Variants in EYS observed in about 807,000 individuals in gnomAD.
EYS encodes protein eyes shut homolog.
Under a neutral mutation model 282.1 loss-of-function variants are expected in EYS, and 250 were observed. That is an observed-to-expected ratio of 0.89 (90% CI 0.80 to 0.98). The LOEUF (loss-of-function observed/expected upper bound fraction) is 0.98. Among genes scored for constraint, EYS ranks in the 50% least tolerant of loss-of-function variants. EYS has a pLI of 0.00. For missense variants in EYS, 4,016 were observed against 3,709.0 expected (o/e 1.08, Z -2.15); for synonymous variants, 1,355 against 1,282.9 (o/e 1.06, Z -1.20).
chr6:65,115,966 AATCTATCT>A (rs3036006), intron 12 of EYS, among the ~76,000 whole-genome samples: 1,640 of 144,948 alleles, frequency 0.011, 21 homozygotes, highest in African/African-American at 0.024. Flanking sequence ...CTGTCTATCT[AATCTATCT>A]ATCTATCTAT....
chr6:64,525,841 A>G (rs1309750211), intron 26 of EYS, among the ~76,000 whole-genome samples: 1 of 151,832 alleles, frequency 6.6e-6, no homozygotes. Context: ...TGCAACTACC[A>G]TATGATCCAG....
At chr6:65,347,537 A>C (rs1205095210) in intron 9 of EYS, among the ~76,000 whole-genome samples, 1 of 146,002 alleles carries the variant, frequency 6.8e-6, no homozygotes, top group African/African-American at 2.5e-5. Flanking sequence ...TTTTAGTATT[A>C]ACTATAAACA....
chr6:63,967,722 G>A (rs549755147), intron 35 of EYS, among the ~76,000 whole-genome samples: 2 of 152,128 alleles, frequency 1.3e-5, no homozygotes, highest in Admixed American at 6.5e-5. Context: ...GCAAAACAGA[G>A]GCTGCTTGTT....
chr6:64,955,087 G>A (rs559224045), intron 14 of EYS, among the ~76,000 whole-genome samples: 2 of 152,124 alleles, frequency 1.3e-5, no homozygotes, highest in East Asian at 3.9e-4. Flanking sequence ...TGCTGAGGCA[G>A]GAGAAACACT....
At chr6:65,146,251 A>T (rs1053486736) in intron 12 of EYS, among the ~76,000 whole-genome samples, 4 of 99,902 alleles carry the variant, frequency 4.0e-5, no homozygotes, top group African/African-American at 1.2e-4. Context: ...TTTTTCCCCC[A>T]AGGCCAAAGT....
chr6:64,439,862 GA>G (rs550906524), intron 26 of EYS, among the ~76,000 whole-genome samples: 1 of 151,536 alleles, frequency 6.6e-6, no homozygotes, highest in South Asian at 2.1e-4. Context: ...TAGATTTTCA[GA>G]AAAAAATGAA....
At chr6:63,872,674 T>G (rs1262360073) in intron 35 of EYS, among the ~76,000 whole-genome samples, 4 of 151,882 alleles carry the variant, frequency 2.6e-5, no homozygotes, top group Non-Finnish European at 5.9e-5. Flanking sequence ...GGATGATGTT[T>G]TGCCATGTTG....
chr6:63,983,574 T>C lies in EYS; in HGVS notation c.7055+809A>G, dbSNP rs77760948. On this transcript the variant is annotated intron_variant, in intron 35 of 42. Transcript: ENST00000503581. ...AGAGATGTTTATTTTTATGGAGTAA[T>C]TATTGACTGCTTGATAGCTTTCCCC... 1.6e-4 allele frequency among the ~76,000 whole-genome samples: 24 copies of C among 151,944 alleles called. No homozygotes were observed. In the East Asian group the frequency reaches 4.7e-3, roughly 30 times the overall value.
intron 12 of EYS, among the ~76,000 whole-genome samples, chr6:65,286,056 C>A (rs1416054502): frequency 6.6e-6 from 1 of 151,716 alleles, no homozygotes; most frequent in Non-Finnish European, 1.5e-5. Flanking sequence ...CCATACTATG[C>A]CTTAAAAAAT....
At chr6:65,492,085 A>G (rs1766066647) in intron 4 of EYS, among the ~76,000 whole-genome samples, 1 of 152,216 alleles carries the variant, frequency 6.6e-6, no homozygotes, top group South Asian at 2.1e-4. Flanking sequence ...GTACTTTGTT[A>G]TGACAGCTCT....
chr6:64,825,933 G>C (rs998823066), intron 19 of EYS, among the ~76,000 whole-genome samples: 7 of 151,244 alleles, frequency 4.6e-5, no homozygotes, highest in Non-Finnish European at 1.0e-4. Flanking sequence ...AAATACATAT[G>C]CTCCCTGATT....
intron 2 of EYS, among the ~76,000 whole-genome samples, chr6:65,612,784 G>A (rs1162920241): frequency 6.6e-6 from 1 of 151,312 alleles, no homozygotes; most frequent in Non-Finnish European, 1.5e-5. Context: ...AAAAGCAAGT[G>A]ATTAAATTTA....
At chr6:65,126,484 G>A (rs1237032830) in intron 12 of EYS, among the ~76,000 whole-genome samples, 1 of 152,074 alleles carries the variant, frequency 6.6e-6, no homozygotes, top group Non-Finnish European at 1.5e-5. Context: ...CTAATTCTTT[G>A]TTGCATGTAG....
At chr6:65,615,531 A>AT (rs1428168152) in intron 2 of EYS, among the ~76,000 whole-genome samples, 2 of 151,658 alleles carry the variant, frequency 1.3e-5, no homozygotes, top group Non-Finnish European at 2.9e-5. Flanking sequence ...ATGATTTTTA[A>AT]TTTTTTAAAT....
intron 2 of EYS, among the ~76,000 whole-genome samples, chr6:65,548,040 A>G: frequency 6.6e-6 from 1 of 152,176 alleles, no homozygotes; most frequent in Non-Finnish European, 1.5e-5. Context: ...AACTTTAGTC[A>G]GACTTCTCTC....
intron 35 of EYS, among the ~76,000 whole-genome samples, chr6:63,966,508 GA>G (rs1035419798): frequency 1.0e-4 from 15 of 150,434 alleles, no homozygotes; most frequent in Non-Finnish European, 2.1e-4. Context: ...ATAACTTATG[GA>G]AAAAAAAACT....
At chr6:64,235,638 G>A (rs377364905) in intron 30 of EYS, among the ~76,000 whole-genome samples, 6 of 151,648 alleles carry the variant, frequency 4.0e-5, no homozygotes, top group Non-Finnish European at 2.9e-5. Flanking sequence ...TGGTATTTCT[G>A]GTTCTAGATC....
intron 12 of EYS, among the ~76,000 whole-genome samples, chr6:65,238,629 G>C (rs745584332): frequency 1.5e-4 from 23 of 151,940 alleles, no homozygotes; most frequent in Non-Finnish European, 3.1e-4. Context: ...CCACCATAAT[G>C]TTGTTATTGC....
chr6:64,975,527 T>C (rs1320888284), intron 14 of EYS, among the ~76,000 whole-genome samples: 1 of 151,850 alleles, frequency 6.6e-6, no homozygotes, highest in Non-Finnish European at 1.5e-5. Flanking sequence ...CATATTCACA[T>C]GAATAGCTGT....
Sources: allele counts gnomAD v4.1 joint callset (sites outside exome capture counted in the v4.1 genomes callset), GRCh38; gene constraint gnomAD v4.1.1; transcripts MANE v1.5; gene names NCBI Gene and HGNC (gene_info 2026-07-23, HGNC 2026-07-21).